Variants in CNNM2 observed in about 807,000 individuals in gnomAD.
CNNM2 encodes the protein cyclin and CBS domain divalent metal cation transport mediator 2, also known as metal transporter CNNM2.
In CNNM2, 12 loss-of-function variants were observed where a neutral mutation model predicts 66.9. The observed-to-expected ratio is 0.18, with a 90% CI of 0.11 to 0.29. The LOEUF (loss-of-function observed/expected upper bound fraction) is 0.29, where lower values mean the gene tolerates loss of function less well. Ranked by LOEUF, CNNM2 falls within the 10% of genes least tolerant of loss-of-function variation. The pLI, the probability that CNNM2 is intolerant of heterozygous loss-of-function variation, is 1.00. For missense variants in CNNM2, 705 were observed against 1,167.7 expected (o/e 0.60, Z 5.77); for synonymous variants, 557 against 501.8 (o/e 1.11, Z -1.47).
At chr10:103,060,528 G>C (rs369377757) in intron 4 of CNNM2, among the ~76,000 whole-genome samples, 1 of 152,304 alleles carries the variant, frequency 6.6e-6, no homozygotes, top group Admixed American at 6.5e-5. Flanking sequence ...CTGAGGGACA[G>C]AGTGAGACCC....
chr10:102,965,509 T>C (rs981114550), intron 1 of CNNM2, among the ~76,000 whole-genome samples: 10 of 152,226 alleles, frequency 6.6e-5, no homozygotes, highest in African/African-American at 2.4e-4. Context: ...ATACTTGCTG[T>C]TCTACTCAAA....
intron 1 of CNNM2, among the ~76,000 whole-genome samples, chr10:102,926,584 C>A (rs982339740): frequency 4.6e-5 from 7 of 152,154 alleles, no homozygotes; most frequent in Non-Finnish European, 7.3e-5. Flanking sequence ...CTCTGTTACC[C>A]AGGCTGGAAT....
At chr10:102,949,361 G>T (rs1846740248) in intron 1 of CNNM2, among the ~76,000 whole-genome samples, 1 of 151,878 alleles carries the variant, frequency 6.6e-6, no homozygotes, top group Admixed American at 6.6e-5. Context: ...TTTTAGTAGA[G>T]AAGGGGTTTC....
At position 102,962,690 on chromosome 10, in the gene CNNM2, CTGTGTGTG is replaced by C. The variant is rs10580172; in HGVS notation, c.1621+42623_1621+42630del. ...GGGAGAATTCTCACAATATGATATA[CTGTGTGTG>C]TGTGTGTGTGTGTGTGTGTGTGTGT... On this transcript the variant is annotated intron_variant, in intron 1 of 7. Coordinates refer to ENST00000369878, the MANE Select transcript of CNNM2 (RefSeq NM_017649.5). Among the ~76,000 whole-genome samples the C allele has an allele frequency of 0.083, 11,984 of 143,864 alleles. 521 individuals are homozygous for C. Among genetic ancestry groups the C allele is most frequent in the Middle Eastern group, 0.16 (47 of 288 alleles). The allele number at this position is 143,864 out of a possible 152,430, so 94.4% of individuals were successfully genotyped here.
chr10:103,014,348 A>G (rs1428450585), intron 1 of CNNM2, among the ~76,000 whole-genome samples: 1 of 152,184 alleles, frequency 6.6e-6, no homozygotes, highest in Non-Finnish European at 1.5e-5. Flanking sequence ...CAATTTACTC[A>G]ATAACAGTTC....
At chr10:103,066,701 TC>T (rs1485058552) in intron 4 of CNNM2, among the ~76,000 whole-genome samples, 2 of 152,250 alleles carry the variant, frequency 1.3e-5, no homozygotes, top group African/African-American at 2.4e-5. Context: ...GTAAGATTTT[TC>T]TGGGAGCTTC....
rs869152743 is a variant in CNNM2 at position 103,003,985 on chromosome 10, A to ATTTTT, written c.1622-45700_1622-45696dup. On this transcript the variant is annotated intron_variant, in intron 1 of 7. Transcript: ENST00000369878. Reference sequence around the variant, plus strand: ...TGCTGAGTAGTACTCCATTGCATGAATTTTTTTTTTTTTTTTTTTTTTTTT... The same window carrying ATTTTT: ...TGCTGAGTAGTACTCCATTGCATGAATTTTTTTTTTTTTTTTTTTTTTTTTTTTTT... Among the ~76,000 whole-genome samples the ATTTTT allele has an allele frequency of 1.3e-3, 111 of 83,996 alleles. 20 individuals carry two copies. Among genetic ancestry groups the ATTTTT allele is most frequent in the African/African-American group, 4.4e-3 (92 of 20,870 alleles). The allele number at this position is 83,996 out of a possible 152,430, so 55.1% of individuals were successfully genotyped here.
intron 1 of CNNM2, among the ~76,000 whole-genome samples, chr10:103,022,429 G>A (rs927497210): frequency 6.6e-6 from 1 of 152,128 alleles, no homozygotes; most frequent in African/African-American, 2.4e-5. Context: ...GTGTCCCCCT[G>A]CTATGGTCTG....
chr10:102,964,994 C>T (rs1374846069), intron 1 of CNNM2, among the ~76,000 whole-genome samples: 1 of 152,174 alleles, frequency 6.6e-6, no homozygotes, highest in African/African-American at 2.4e-5. Flanking sequence ...TGTGAAGACA[C>T]AGCGTTCCTC....
At chr10:102,990,914 G>A (rs2063887242) in intron 1 of CNNM2, among the ~76,000 whole-genome samples, 1 of 152,170 alleles carries the variant, frequency 6.6e-6, no homozygotes, top group Admixed American at 6.6e-5. Flanking sequence ...AACTTTCACT[G>A]TAATTGGAGA....
Position 102,921,911 on chromosome 10 carries a change from C to T in CNNM2, c.1621+1810C>T, listed in dbSNP as rs774267362. 3.1e-4 allele frequency among the ~76,000 whole-genome samples: 47 copies of T among 152,114 alleles called. 1 individual carries two copies. Among genetic ancestry groups the T allele is most frequent in the Admixed American group, 1.0e-3 (16 of 15,274 alleles). On this transcript the variant is annotated intron_variant, in intron 1 of 7. Coordinates refer to ENST00000369878, the MANE Select transcript of CNNM2 (RefSeq NM_017649.5). ...TTTTCACCTCACAGCTCCTTAATGC[C>T]GCCCTTACTCAAAATTTCAAAATTC...
intron 1 of CNNM2, among the ~76,000 whole-genome samples, chr10:103,011,402 G>A (rs1485677831): frequency 1.3e-5 from 2 of 152,108 alleles, no homozygotes; most frequent in East Asian, 3.9e-4. Context: ...GCAGTAAGCT[G>A]AGATTGTGCC....
intron 1 of CNNM2, among the ~76,000 whole-genome samples, chr10:103,038,439 C>A (rs1017201713): frequency 8.5e-5 from 13 of 152,154 alleles, no homozygotes; most frequent in Admixed American, 2.0e-4. Flanking sequence ...TAAACAAAGT[C>A]TTTTAGAGGG....
chr10:103,048,168 G>A (rs1015641965), intron 1 of CNNM2, among the ~76,000 whole-genome samples: 6 of 149,266 alleles, frequency 4.0e-5, no homozygotes, highest in African/African-American at 9.9e-5. Context: ...CAAGTGATCC[G>A]CCTCCCAAAG....
At chr10:102,953,357 A>G (rs1221138043) in intron 1 of CNNM2, among the ~76,000 whole-genome samples, 1 of 151,952 alleles carries the variant, frequency 6.6e-6, no homozygotes, top group African/African-American at 2.4e-5. Context: ...CCTGGGTTCA[A>G]GCAGTTCTCC....
chr10:102,969,721 C>T (rs190615560), intron 1 of CNNM2, among the ~76,000 whole-genome samples: 42 of 151,720 alleles, frequency 2.8e-4, no homozygotes, highest in African/African-American at 9.4e-4. Flanking sequence ...CTCAGCTCAC[C>T]GCAACCTCTG....
chr10:102,979,031 A>G (rs1012999659), intron 1 of CNNM2, among the ~76,000 whole-genome samples: 5 of 152,276 alleles, frequency 3.3e-5, no homozygotes, highest in African/African-American at 1.2e-4. Context: ...CATTCTGCTA[A>G]TGGGCATTCA....
At position 102,995,679 on chromosome 10, in the gene CNNM2, G is replaced by A. The variant is rs563735886; in HGVS notation, c.1622-54028G>A. 2.0e-5 allele frequency among the ~76,000 whole-genome samples: 3 copies of A among 149,772 alleles called. No homozygotes were observed. In the South Asian group the frequency reaches 6.4e-4, roughly 32 times the overall value. ...TGTTAGCTTATTAAAAATGTGTTACGTCTGGTGGGGGTGGGGGTTGGAGAA... is the reference window on the plus strand; with the variant it reads ...TGTTAGCTTATTAAAAATGTGTTACATCTGGTGGGGGTGGGGGTTGGAGAA... On this transcript the variant is annotated intron_variant, in intron 1 of 7. Coordinates refer to ENST00000369878, the MANE Select transcript of CNNM2 (RefSeq NM_017649.5).
At chr10:102,981,085 G>T (rs963739442) in intron 1 of CNNM2, among the ~76,000 whole-genome samples, 1 of 151,970 alleles carries the variant, frequency 6.6e-6, no homozygotes, top group African/African-American at 2.4e-5. Flanking sequence ...GTGGTGGCTC[G>T]CACCTGTAAT....
Sources: allele counts gnomAD v4.1 joint callset (sites outside exome capture counted in the v4.1 genomes callset), GRCh38; gene constraint gnomAD v4.1.1; transcripts MANE v1.5; gene names NCBI Gene and HGNC (gene_info 2026-07-23, HGNC 2026-07-21).